Variants in LILRB4 observed in about 807,000 individuals in gnomAD.
The protein encoded by LILRB4 is leukocyte immunoglobulin-like receptor subfamily B member 4.
A neutral mutation model predicts 55.2 loss-of-function variants in LILRB4; 49 were observed. The ratio of observed to expected loss-of-function variants is 0.89; its 90% CI spans 0.71 to 1.13. The LOEUF is 1.13. Among genes scored for constraint, LILRB4 ranks in the 50% most tolerant of loss-of-function variants. The pLI is 0.00. For synonymous variants in LILRB4, 229 were observed against 213.8 expected (o/e 1.07, Z -0.62); for missense variants, 590 against 555.2 (o/e 1.06, Z -0.63).
At chr19:54,667,727 A>G in exon 11 of LILRB4, 1 of 1,609,626 alleles carries the variant, frequency 6.2e-7, no homozygotes, top group South Asian at 1.1e-5. Context: ...CTCCCTCCCC[A>G]CTGTCTGGGG....
In LILRB4 at chr19:54,666,847, G is replaced by C. The variant is rs1014226748; in HGVS notation, c.1041+98G>C. Reference sequence around the variant, plus strand: ...CCTCCTTCCCCCGGCTCTCAGCATCGTCACGGTGGACCCCTCCTTGTCCAG... The same window carrying C: ...CCTCCTTCCCCCGGCTCTCAGCATCCTCACGGTGGACCCCTCCTTGTCCAG... On this transcript the variant is annotated intron_variant, in intron 10 of 11. Coordinates refer to ENST00000430952, the Ensembl canonical transcript of LILRB4. The surrounding 1 kb of genome is among the most constrained non-coding windows in gnomAD (Gnocchi z 4.8). 2.5e-6 allele frequency: 3 copies of C among 1,191,854 alleles called. No individual in the cohort carries two copies. Among genetic ancestry groups the C allele is most frequent in the African/African-American group, 3.0e-5 (2 of 66,700 alleles). 73.8% of individuals were successfully genotyped at this position (1,191,854 alleles called of 1,614,324 possible). A position where few individuals can be genotyped will look rare whatever the true frequency, so the allele number is the denominator to read the frequency against.
At chr19:54,667,336 G>A (rs1033181107) in intron 10 of LILRB4, 595 of 608,436 alleles carry the variant, frequency 9.8e-4, no homozygotes, top group East Asian at 3.6e-3. Context: ...AGAGGGCCAC[G>A]TGATCCTCTA....
Position 54,666,510 on chromosome 19 carries a change from G to T in LILRB4, c.988+74G>T. On this transcript the variant is annotated intron_variant, in intron 9 of 11. Transcript: ENST00000430952. This position sits in a 1 kb window ranked among gnomAD's most constrained non-coding sequence, Gnocchi z 4.8. ...AAAATTTCAATAGCAATGGGGGCAG[G>T]AGCACAGGCTAGGATTGGTCAGGGA... The T allele has an allele frequency of 6.4e-7, 1 of 1,560,906 alleles. No homozygotes were observed.
At position 54,666,384 on chromosome 19, in the gene LILRB4, C is replaced by G; in HGVS notation, c.951-15C>G. The G allele has an allele frequency of 6.2e-7, 1 of 1,613,886 alleles. No individual in the cohort carries two copies. Among genetic ancestry groups the G allele is most frequent in the Non-Finnish European group, 8.5e-7 (1 of 1,179,838 alleles). ...CCACCTCACTGTCCCCTTACACTCC[C>G]GTATCCTCCCCCAGGTCCAGCCCAG... On this transcript the variant is annotated splice_polypyrimidine_tract_variant and intron_variant, in intron 8 of 11. Transcript: ENST00000430952. This position sits in a 1 kb window ranked among gnomAD's most constrained non-coding sequence, Gnocchi z 4.8.
At chr19:54,664,910 G>C (rs1347035753) in intron 5 of LILRB4, 61 bp downstream of exon 5, 1 of 1,503,988 alleles carries the variant, frequency 6.6e-7, no homozygotes. Context: ...CTCAAGACAT[G>C]CTCAGTGGAT....
chr19:54,665,964 T>TA lies in LILRB4; in HGVS notation c.874+33_874+34insA, dbSNP rs1429894832. The TA allele has an allele frequency of 5.6e-6, 9 of 1,613,266 alleles. No homozygotes were observed. The highest frequency in any genetic ancestry group is 7.6e-6 in the Non-Finnish European group (9 of 1,179,636). On this transcript the variant is annotated intron_variant, in intron 7 of 11. Transcript: ENST00000430952. This position sits in a 1 kb window ranked among gnomAD's most constrained non-coding sequence, Gnocchi z 5.5. ...GGAAATTGGGGGACCCGTGGGCTGATGGAGGGTGGGCTCAGGGCACCAGCC... is the reference window on the plus strand; with the variant it reads ...GGAAATTGGGGGACCCGTGGGCTGATAGGAGGGTGGGCTCAGGGCACCAGCC...
intron 10 of LILRB4, chr19:54,667,154 G>A (rs1246212874): frequency 3.5e-6 from 2 of 572,874 alleles, no homozygotes; most frequent in Non-Finnish European, 6.8e-6. Context: ...CCCGCCTCCT[G>A]AGCTCACCTC....
In LILRB4 at chr19:54,663,949, CAG is replaced by C. The variant is rs778822898; in HGVS notation, c.269_270del (p.Glu90GlyfsTer21). ...GCCAGATTCTCCATCCCATCCATGA[CAG>C]AGGACTATGCAGGGAGATACCGCTG... On this transcript the variant is annotated frameshift_variant, in exon 3 of 12. Coordinates refer to ENST00000430952, the Ensembl canonical transcript of LILRB4. LOFTEE classifies it high-confidence loss of function. 311 of 1,614,044 alleles carry C rather than the reference CAG, an allele frequency of 1.9e-4. No individual in the cohort carries two copies. Among genetic ancestry groups the C allele is most frequent in the Non-Finnish European group, 1.5e-4 (177 of 1,180,026 alleles).
At chr19:54,663,697 A>AGCTGGGATCTGAGGGCTGAGGAAGGT in intron 2 of LILRB4, 57 bp from the exon 3 acceptor site, 1 of 1,609,358 alleles carries the variant, frequency 6.2e-7, no homozygotes, top group Non-Finnish European at 8.5e-7. Context: ...TGGGGCTGAG[A>AGCTGGGATCTGAGGGCTGAGGAAGGT]GCTGGGATCT....
At position 54,666,373 on chromosome 19, in the gene LILRB4, C is replaced by G; in HGVS notation, c.951-26C>G. Reference sequence around the variant, plus strand: ...CATCCCAACAGCCACCTCACTGTCCCCTTACACTCCCGTATCCTCCCCCAG... The same window carrying G: ...CATCCCAACAGCCACCTCACTGTCCGCTTACACTCCCGTATCCTCCCCCAG... On this transcript the variant is annotated intron_variant, in intron 8 of 11. Coordinates refer to ENST00000430952, the Ensembl canonical transcript of LILRB4. The surrounding 1 kb of genome is among the most constrained non-coding windows in gnomAD (Gnocchi z 4.8). The G allele has an allele frequency of 6.2e-7, 1 of 1,613,394 alleles. No individual in the cohort carries two copies. Among genetic ancestry groups the G allele is most frequent in the Non-Finnish European group, 8.5e-7 (1 of 1,179,538 alleles).
rs769600550 is a variant in LILRB4, at chr19:54,665,781, C to T, written c.758-34C>T. On this transcript the variant is annotated intron_variant, in intron 6 of 11. Coordinates refer to ENST00000430952, the Ensembl canonical transcript of LILRB4. The surrounding 1 kb of genome is among the most constrained non-coding windows in gnomAD (Gnocchi z 5.5). ...ACACAGTAGGTGTGCACATCAATGACATCATCCCCATTCCTGATGTCATCA... is the reference window on the plus strand; with the variant it reads ...ACACAGTAGGTGTGCACATCAATGATATCATCCCCATTCCTGATGTCATCA... 2 of 1,570,580 alleles carry T rather than the reference C, an allele frequency of 1.3e-6. No homozygotes were observed. Among genetic ancestry groups the T allele is most frequent in the East Asian group, 2.4e-5 (1 of 42,262 alleles).
At chr19:54,667,505 C>A in intron 10 of LILRB4, 130 bp from the exon 11 acceptor site, 2 of 1,495,742 alleles carry the variant, frequency 1.3e-6, no homozygotes, top group Non-Finnish European at 1.8e-6. Flanking sequence ...AGACCCTCCA[C>A]GGCCTTAGGG....
exon 12 of LILRB4, chr19:54,668,154 G>C: frequency 1.0e-6 from 1 of 977,134 alleles, no homozygotes; most frequent in Non-Finnish European, 1.5e-6. Context: ...TTCCGGGAAC[G>C]TTGGGAGTCA....
In LILRB4 at chr19:54,667,630, T is replaced by C. The variant is rs563986089; in HGVS notation, c.1042-8T>C. ...AGGACACCCCCCACCACTGTCTCTC[T>C]CCAGCAGAGCCCACACGATGAAGAC... is the stretch of plus-strand genomic sequence containing the variant. On this transcript the variant is annotated splice_polypyrimidine_tract_variant and splice_region_variant and intron_variant, in intron 10 of 11. Transcript: ENST00000430952. 8.1e-6 allele frequency: 13 copies of C among 1,611,192 alleles called. No individual in the cohort carries two copies. In the South Asian group the frequency reaches 1.4e-4, roughly 18 times the overall value.
In LILRB4 at chr19:54,666,976, A is replaced by T. The variant is rs535916412; in HGVS notation, c.1041+227A>T. ...CCTGCTCCTCATCCTCTGTTTGGCCATCTGGTTGTTAGAGAGCTCCCCAGG... is the reference window on the plus strand; with the variant it reads ...CCTGCTCCTCATCCTCTGTTTGGCCTTCTGGTTGTTAGAGAGCTCCCCAGG... On this transcript the variant is annotated intron_variant, in intron 10 of 11. Transcript: ENST00000430952. This position sits in a 1 kb window ranked among gnomAD's most constrained non-coding sequence, Gnocchi z 4.8. 104 of 694,508 alleles carry T rather than the reference A, an allele frequency of 1.5e-4. No individual in the cohort carries two copies. The Middle Eastern group carries it at 3.7e-3, about 25-fold the overall frequency. 43.0% of individuals were successfully genotyped at this position (694,508 alleles called of 1,614,324 possible).
chr19:54,666,876 G>T lies in LILRB4; in HGVS notation c.1041+127G>T. ...CGGTGGACCCCTCCTTGTCCAGCACGCTGCCTCCTGCCTGCTGGGACCTCA... is the reference window on the plus strand; with the variant it reads ...CGGTGGACCCCTCCTTGTCCAGCACTCTGCCTCCTGCCTGCTGGGACCTCA... On this transcript the variant is annotated intron_variant, in intron 10 of 11. Coordinates refer to ENST00000430952, the Ensembl canonical transcript of LILRB4. The surrounding 1 kb of genome is among the most constrained non-coding windows in gnomAD (Gnocchi z 4.8). 1 of 951,122 alleles carries T rather than the reference G, an allele frequency of 1.1e-6. No homozygotes were observed. The highest frequency in any genetic ancestry group is 1.3e-5 in the South Asian group (1 of 77,772). The allele number at this position is 951,122 out of a possible 1,614,324, so 58.9% of individuals were successfully genotyped here. A position where few individuals can be genotyped will look rare whatever the true frequency, so the allele number is the denominator to read the frequency against.
chr19:54,667,193 C>T (rs1267500756), intron 10 of LILRB4: 2 of 546,474 alleles, frequency 3.7e-6, no homozygotes, highest in South Asian at 3.1e-5. Context: ...CAAATAAATG[C>T]ATCGTGTCCA....
In LILRB4 at chr19:54,667,550, C is replaced by T. The variant is rs574214738; in HGVS notation, c.1042-88C>T. Reference sequence around the variant, plus strand: ...GATTCCGTCAGGAAAGGGATGTAATCGGATCACCCTGGGAACAGTGGGGAA... The same window carrying T: ...GATTCCGTCAGGAAAGGGATGTAATTGGATCACCCTGGGAACAGTGGGGAA... On this transcript the variant is annotated intron_variant, in intron 10 of 11. Coordinates refer to ENST00000430952, the Ensembl canonical transcript of LILRB4. 1.0e-4 allele frequency: 161 copies of T among 1,580,752 alleles called. 3 individuals carry two copies. In the South Asian group the frequency reaches 1.3e-3, roughly 13 times the overall value.
rs1325456862 is a variant in LILRB4 at position 54,667,557 on chromosome 19, C to T, written c.1042-81C>T. 55 of 1,592,122 alleles carry T rather than the reference C, an allele frequency of 3.5e-5. 1 individual carries two copies. The South Asian group carries it at 5.9e-4, about 17-fold the overall frequency. On this transcript the variant is annotated intron_variant, in intron 10 of 11. Transcript: ENST00000430952. ...TCAGGAAAGGGATGTAATCGGATCA[C>T]CCTGGGAACAGTGGGGAAAATTGAC...
Sources: allele counts gnomAD v4.1 joint callset, GRCh38; gene constraint gnomAD v4.1.1; non-coding constraint Gnocchi (gnomAD v3.1); transcripts MANE v1.5; gene names NCBI Gene and HGNC (gene_info 2026-07-23, HGNC 2026-07-21).